CHD4: variants seen among roughly 807,000 people sequenced by gnomAD.
The protein encoded by CHD4 is ATP-dependent chromatin remodeler CHD4.
Under a neutral mutation model 235.5 loss-of-function variants are expected in CHD4, and 35 were observed. The observed-to-expected ratio is 0.15, with a 90% CI of 0.11 to 0.20. CHD4 has a LOEUF of 0.20. CHD4 is among the 10% of genes least tolerant of loss of function. The probability of loss-of-function intolerance (pLI) is 1.00; values close to 1 mark genes in which losing one functional copy is unlikely to be tolerated. For synonymous variants in CHD4, 900 were observed against 850.2 expected (o/e 1.06, Z -1.02); for missense variants, 1,329 against 2,432.3 (o/e 0.55, Z 9.54).
chr12:6,583,438 T>C, intron 25 of CHD4, 60 bp from the exon 26 acceptor site: 1 of 1,456,382 alleles, frequency 6.9e-7, no homozygotes. Context: ...CAGCTACCCC[T>C]GGTCCTCACA....
chr12:6,604,568 C>G (rs1461300515), intron 2 of CHD4, among the ~76,000 whole-genome samples: 1 of 151,526 alleles, frequency 6.6e-6, no homozygotes, highest in Non-Finnish European at 1.5e-5. Flanking sequence ...CCCAAGTCAA[C>G]CCCCAACCCC....
At chr12:6,604,204 G>C (rs1377669853) in intron 2 of CHD4, among the ~76,000 whole-genome samples, 1 of 152,186 alleles carries the variant, frequency 6.6e-6, no homozygotes, top group Non-Finnish European at 1.5e-5. Context: ...GAGCCCGGGA[G>C]GCGGAGGTTG....
chr12:6,596,781 C>A (rs1458027879), intron 12 of CHD4, among the ~76,000 whole-genome samples: 4 of 151,162 alleles, frequency 2.6e-5, no homozygotes, highest in African/African-American at 9.7e-5. Flanking sequence ...GCCTGGGCGA[C>A]AGAACGAGAC....
chr12:6,605,639 C>A, intron 2 of CHD4, among the ~76,000 whole-genome samples: 1 of 152,128 alleles, frequency 6.6e-6, no homozygotes, highest in East Asian at 1.9e-4. Context: ...CCTTCTTTTG[C>A]CCCTCTTCAC....
chr12:6,589,755 G>A (rs1178906610), intron 22 of CHD4, among the ~76,000 whole-genome samples: 2 of 145,940 alleles, frequency 1.4e-5, no homozygotes, highest in African/African-American at 5.1e-5. Flanking sequence ...GACAGAGCAA[G>A]ACTTTGTCTC....
Position 6,593,701 on chromosome 12 carries a change from A to C in CHD4, c.2314-85T>G. 2.4e-6 allele frequency: 3 copies of C among 1,234,184 alleles called. No homozygotes were observed. The highest frequency in any genetic ancestry group is 3.5e-6 in the Non-Finnish European group (3 of 864,670). 76.5% of individuals were successfully genotyped at this position (1,234,184 alleles called of 1,614,324 possible). On this transcript the variant is annotated intron_variant, in intron 15 of 39. Coordinates refer to ENST00000544040, the MANE Select transcript of CHD4 (RefSeq NM_001273.5). The surrounding 1 kb of genome is among the most constrained non-coding windows in gnomAD (Gnocchi z 4.9). Reference sequence around the variant, plus strand: ...ACACCCACCACCCTGCTGCCCCCTCAAGCTGAGCCAAGGACTGACACACCT... The same window carrying C: ...ACACCCACCACCCTGCTGCCCCCTCCAGCTGAGCCAAGGACTGACACACCT...
rs536888113 is a variant in CHD4, at chr12:6,592,984, G to A, written c.2652+107C>T. 8.5e-6 allele frequency: 13 copies of A among 1,536,396 alleles called. No homozygotes were observed. The African/African-American group carries it at 1.2e-4, about 15-fold the overall frequency. ...GTCACATACAAGGAAGGAAGGCAGA[G>A]ACAATTTTCCCCTCTCCTCTCCATC... On this transcript the variant is annotated intron_variant, in intron 17 of 39. Coordinates refer to ENST00000544040, the MANE Select transcript of CHD4 (RefSeq NM_001273.5).
At chr12:6,601,196 T>C in intron 6 of CHD4, 93 bp downstream of exon 6, 1 of 1,555,994 alleles carries the variant, frequency 6.4e-7, no homozygotes, top group South Asian at 1.2e-5. Context: ...TCCTATCTCC[T>C]ACCTTAGGGC....
At chr12:6,605,264 G>A (rs899452848) in intron 2 of CHD4, among the ~76,000 whole-genome samples, 3 of 151,964 alleles carry the variant, frequency 2.0e-5, no homozygotes, top group East Asian at 1.9e-4. Context: ...AGAAGCAGAA[G>A]GAATGAAGAA....
intron 25 of CHD4, chr12:6,584,573 G>A (rs1020008776): frequency 2.0e-5 from 3 of 152,198 alleles, no homozygotes; most frequent in South Asian, 2.1e-4. Flanking sequence ...ATTTAGAGAC[G>A]GAATTTTACC....
chr12:6,600,027 C>G lies in CHD4; in HGVS notation c.1243-15G>C, dbSNP rs1210977948. On this transcript the variant is annotated splice_polypyrimidine_tract_variant and intron_variant, in intron 9 of 39. Transcript: ENST00000544040. ...CCTTCCTTCTCCTGCAGTAAAGGAC[C>G]ACAGATTCAGATTATTACCCCCACC... 6.2e-7 allele frequency: 1 copy of G among 1,613,426 alleles called. No individual in the cohort carries two copies. The highest frequency in any genetic ancestry group is 1.1e-5 in the South Asian group (1 of 91,034).
At chr12:6,587,217 A>T (rs967799495) in intron 25 of CHD4, 167 bp downstream of exon 25, 4 of 649,736 alleles carry the variant, frequency 6.2e-6, no homozygotes, top group Non-Finnish European at 1.0e-5. Context: ...AAAGATGAAA[A>T]TCTGATTAGT....
chr12:6,578,912 C>G lies in CHD4; in HGVS notation c.4915G>C (p.Ala1639Pro). 6.2e-7 allele frequency: 1 copy of G among 1,614,104 alleles called. No homozygotes were observed. Among genetic ancestry groups the G allele is most frequent in the Non-Finnish European group, 8.5e-7 (1 of 1,179,942 alleles). The change falls in exon 34 of 40, where the codon GCT becomes CCT. Residue 1639 changes from alanine to proline, a missense_variant. Around this residue, in one of 26 missense-constraint regions of CHD4, gnomAD observed 219 missense variants for 219.3 expected, o/e 1.00. Transcript: ENST00000544040. ...TTTTCCTCCACCTTCTCTACATCAG[C>G]AGCACCTAGGGGAAGAAATGTTATT... ...EPMETEPKGA[A>P]DVEKVEEKSA...
At position 6,606,418 on chromosome 12, in the gene CHD4, G is replaced by C. The variant is rs761265027; in HGVS notation, c.-45C>G. 7.4e-5 allele frequency: 103 copies of C among 1,382,714 alleles called. 1 individual carries two copies. In the Admixed American group the frequency reaches 2.2e-3, roughly 29 times the overall value. 85.7% of individuals were successfully genotyped at this position (1,382,714 alleles called of 1,614,324 possible). On this transcript the variant is annotated 5_prime_UTR_variant, in exon 2 of 40. Transcript: ENST00000544040. ...GGGAATTGGCCCAGCTGCTCCTGCCGGCGGCCTGAGGACCTCTACACTGGC... is the reference window on the plus strand; with the variant it reads ...GGGAATTGGCCCAGCTGCTCCTGCCCGCGGCCTGAGGACCTCTACACTGGC...
At chr12:6,589,020 G>A (rs1008408567) in intron 22 of CHD4, among the ~76,000 whole-genome samples, 2 of 152,018 alleles carry the variant, frequency 1.3e-5, no homozygotes, top group African/African-American at 4.8e-5. Context: ...GGCTGAGGTG[G>A]GCAGATCACC....
In CHD4 at chr12:6,583,411, G is replaced by A. The variant is rs1235452002; in HGVS notation, c.3880-33C>T. 1.9e-6 allele frequency: 3 copies of A among 1,561,712 alleles called. No individual in the cohort carries two copies. The African/African-American group carries it at 4.1e-5, about 21-fold the overall frequency. On this transcript the variant is annotated intron_variant, in intron 25 of 39. Transcript: ENST00000544040. ...AGAGGGAGGGCCAGGACTCAGGAGT[G>A]CTGAAGTCAGCACCACCAGCTACCC...
intron 3 of CHD4, 81 bp from the exon 4 acceptor site, chr12:6,602,256 C>T: frequency 1.3e-6 from 2 of 1,595,370 alleles, no homozygotes; most frequent in Non-Finnish European, 1.7e-6. Flanking sequence ...CCCTGAGGCT[C>T]ATCCCCAGAA....
chr12:6,602,347 T>C, intron 3 of CHD4, 29 bp downstream of exon 3: 1 of 1,611,320 alleles, frequency 6.2e-7, no homozygotes, highest in East Asian at 2.2e-5. Context: ...CTTCCTCTGA[T>C]TCCCCGTAAC....
chr12:6,578,261 C>G, intron 35 of CHD4, 124 bp from the exon 36 acceptor site: 1 of 1,355,164 alleles, frequency 7.4e-7, no homozygotes, highest in Non-Finnish European at 1.0e-6. Context: ...TAATTTGCTT[C>G]TGGCTTTCTC....
Sources: allele counts gnomAD v4.1 joint callset (sites outside exome capture counted in the v4.1 genomes callset), GRCh38; gene constraint gnomAD v4.1.1; regional missense constraint gnomAD v4.1.1; non-coding constraint Gnocchi (gnomAD v3.1); transcripts MANE v1.5; gene names NCBI Gene and HGNC (gene_info 2026-07-23, HGNC 2026-07-21).